The following LRRTM4 variants were observed in gnomAD, a reference collection of about 807,000 sequenced individuals.
LRRTM4 encodes leucine-rich repeat transmembrane neuronal protein 4.
LRRTM4 carries 25 observed loss-of-function variants against 47.6 expected under a neutral mutation model. The observed-to-expected ratio is 0.53, with a 90% CI of 0.38 to 0.73. The LOEUF (loss-of-function observed/expected upper bound fraction) is 0.73. LRRTM4 is among the 30% of genes least tolerant of loss of function. LRRTM4 has a pLI of 0.00. For synonymous variants in LRRTM4, 311 were observed against 269.5 expected (o/e 1.15, Z -1.51); for missense variants, 638 against 713.4 (o/e 0.89, Z 1.20).
chr2:77,455,754 C>G (rs1676511243), intron 3 of LRRTM4, among the ~76,000 whole-genome samples: 1 of 152,002 alleles, frequency 6.6e-6, no homozygotes, highest in South Asian at 2.1e-4. Context: ...CGCCAAATTC[C>G]TTTTTTATCA....
chr2:77,159,099 T>A (rs1189375395), intron 3 of LRRTM4, among the ~76,000 whole-genome samples: 1 of 152,182 alleles, frequency 6.6e-6, no homozygotes, highest in Non-Finnish European at 1.5e-5. Context: ...GAACCGTTCA[T>A]CTTTGCAGAT....
At chr2:76,809,126 G>T (rs1670651461) in intron 3 of LRRTM4, among the ~76,000 whole-genome samples, 1 of 152,008 alleles carries the variant, frequency 6.6e-6, no homozygotes, top group African/African-American at 2.4e-5. Context: ...TTAGAAAATA[G>T]ACAAGAAAAT....
chr2:77,349,511 A>G (rs1671683931), intron 3 of LRRTM4, among the ~76,000 whole-genome samples: 1 of 152,106 alleles, frequency 6.6e-6, no homozygotes, highest in Non-Finnish European at 1.5e-5. Context: ...AAAATGTCAT[A>G]TAACTATGAA....
At chr2:77,173,765 C>G (rs537099475) in intron 3 of LRRTM4, among the ~76,000 whole-genome samples, 1 of 152,106 alleles carries the variant, frequency 6.6e-6, no homozygotes, top group African/African-American at 2.4e-5. Context: ...ACAGCCTCCA[C>G]GCCCCCACAC....
chr2:77,074,568 T>A (rs772187406), intron 3 of LRRTM4, among the ~76,000 whole-genome samples: 5 of 152,112 alleles, frequency 3.3e-5, no homozygotes, highest in Non-Finnish European at 7.4e-5. Context: ...CAACTCTGAA[T>A]TTGCCTTACC....
At chr2:77,291,552 A>T (rs558372216) in intron 3 of LRRTM4, among the ~76,000 whole-genome samples, 2 of 152,142 alleles carry the variant, frequency 1.3e-5, no homozygotes, top group Non-Finnish European at 2.9e-5. Context: ...AGGTAATATA[A>T]CAGCATTCAC....
At chr2:77,073,446 T>C (rs1680228730) in intron 3 of LRRTM4, among the ~76,000 whole-genome samples, 1 of 152,000 alleles carries the variant, frequency 6.6e-6, no homozygotes, top group African/African-American at 2.4e-5. Context: ...ATATAGCATT[T>C]CCAGTACAGA....
chr2:76,854,454 G>T (rs181360058), intron 3 of LRRTM4, among the ~76,000 whole-genome samples: 2 of 152,064 alleles, frequency 1.3e-5, no homozygotes, highest in African/African-American at 4.8e-5. Flanking sequence ...AAAATACAAA[G>T]CTATGAGGAT....
chr2:76,863,647 T>C (rs954220969), intron 3 of LRRTM4, among the ~76,000 whole-genome samples: 1 of 152,170 alleles, frequency 6.6e-6, no homozygotes, highest in Non-Finnish European at 1.5e-5. Context: ...CCCCTTTCCT[T>C]GTCTAAAGCT....
At chr2:77,003,492 G>C (rs1041986585) in intron 3 of LRRTM4, among the ~76,000 whole-genome samples, 3 of 152,104 alleles carry the variant, frequency 2.0e-5, no homozygotes, top group African/African-American at 7.2e-5. Flanking sequence ...AGTCTCAAGA[G>C]ATCTGATGGT....
intron 3 of LRRTM4, among the ~76,000 whole-genome samples, chr2:76,932,413 A>G (rs936182428): frequency 1.3e-5 from 2 of 152,092 alleles, no homozygotes; most frequent in African/African-American, 2.4e-5. Flanking sequence ...TGATATGTAT[A>G]CAGGTACCTA....
At chr2:77,471,757 A>G (rs1047675568) in intron 3 of LRRTM4, among the ~76,000 whole-genome samples, 1 of 152,188 alleles carries the variant, frequency 6.6e-6, no homozygotes, top group African/African-American at 2.4e-5. Context: ...TAGATATATA[A>G]CACACATTCA....
At chr2:76,959,549 C>CAT (rs898739052) in intron 3 of LRRTM4, among the ~76,000 whole-genome samples, 22 of 151,578 alleles carry the variant, frequency 1.5e-4, no homozygotes, top group African/African-American at 5.3e-4. Context: ...GACAAACAGG[C>CAT]ATATACTCCT....
At chr2:77,173,102 G>A (rs10200491) in intron 3 of LRRTM4, among the ~76,000 whole-genome samples, 67,848 of 152,034 alleles carry the variant, frequency 0.45, 17,755 homozygotes, top group Admixed American at 0.57. Flanking sequence ...AGGAAGATAC[G>A]ATCTTGATTA....
intron 3 of LRRTM4, among the ~76,000 whole-genome samples, chr2:76,869,156 A>G (rs183234447): frequency 1.3e-5 from 2 of 152,172 alleles, no homozygotes; most frequent in East Asian, 3.9e-4. Flanking sequence ...TAAAAATACA[A>G]AAATTAGCTG....
intron 3 of LRRTM4, among the ~76,000 whole-genome samples, chr2:77,425,257 G>T (rs1323330078): frequency 2.0e-5 from 3 of 152,176 alleles, no homozygotes; most frequent in Non-Finnish European, 4.4e-5. Context: ...TCTGTATTCA[G>T]TCTCTCCATT....
intron 3 of LRRTM4, among the ~76,000 whole-genome samples, chr2:77,208,967 A>G (rs959059923): frequency 6.6e-6 from 1 of 152,116 alleles, no homozygotes; most frequent in Non-Finnish European, 1.5e-5. Flanking sequence ...TTCAGTACTC[A>G]CTTACAATTA....
At position 77,361,234 on chromosome 2, in the gene LRRTM4, T is replaced by TA. The variant is rs34829617; in HGVS notation, c.1551+157083dup. 4.4e-3 allele frequency among the ~76,000 whole-genome samples: 646 copies of TA among 145,400 alleles called. 4 individuals carry two copies. Among genetic ancestry groups the TA allele is most frequent in the Non-Finnish European group, 5.2e-3 (344 of 66,194 alleles). On this transcript the variant is annotated intron_variant, in intron 3 of 3. Transcript: ENST00000409884. ...TAGCACATGATCTCTCCTCCTTCAT[T>TA]AAAAAAAAAAAAAATTGGGTAGTAA...
At chr2:76,970,199 A>G (rs1167221998) in intron 3 of LRRTM4, among the ~76,000 whole-genome samples, 1 of 152,018 alleles carries the variant, frequency 6.6e-6, no homozygotes, top group Non-Finnish European at 1.5e-5. Context: ...ATAATTTTGT[A>G]TAAGTGTACA....
Sources: gnomAD v4.1 joint callset for allele counts (sites outside exome capture counted in the v4.1 genomes callset) on GRCh38, gnomAD v4.1.1 for gene constraint, MANE v1.5 for transcripts, NCBI Gene and HGNC (gene_info 2026-07-23, HGNC 2026-07-21) for gene names.